CDH18: variants seen among roughly 807,000 people sequenced by gnomAD.
The protein encoded by CDH18 is cadherin-18.
CDH18 carries 31 observed loss-of-function variants against 67.9 expected under a neutral mutation model. That is an observed-to-expected ratio of 0.46 (90% CI 0.34 to 0.62). The LOEUF is 0.62. CDH18 is among the 20% of genes least tolerant of loss of function. The probability of loss-of-function intolerance (pLI) is 0.01; values close to 1 mark genes in which losing one functional copy is unlikely to be tolerated. For synonymous variants in CDH18, 362 were observed against 347.2 expected, an observed-to-expected ratio of 1.04 and a Z score of -0.48; for missense variants, 890 against 975.5, an observed-to-expected ratio of 0.91 and a Z score of 1.17.
In CDH18 at chr5:19,935,827, TCA is replaced by T. The variant is rs1554067052; in HGVS notation, c.-257+45231_-257+45232del. 8.6e-4 allele frequency among the ~76,000 whole-genome samples: 128 copies of T among 149,526 alleles called. 2 individuals carry two copies. The highest frequency in any genetic ancestry group is 2.8e-3 in the African/African-American group (116 of 40,854). On this transcript the variant is annotated intron_variant, in intron 2 of 12. Transcript: ENST00000382275. ...CTCTCTCTCTCTCTCTCTCTCTCTC[TCA>T]CTCTCTCTCTGTCCCAATGTCTTCT... is the stretch of plus-strand genomic sequence containing the variant.
intron 2 of CDH18, among the ~76,000 whole-genome samples, chr5:20,212,738 T>G (rs1740450911): frequency 1.3e-5 from 2 of 152,102 alleles, no homozygotes. Flanking sequence ...TAAAATACTC[T>G]TTGCTAAAAT....
chr5:20,149,393 T>C (rs922307333), intron 2 of CDH18, among the ~76,000 whole-genome samples: 2 of 152,192 alleles, frequency 1.3e-5, no homozygotes, highest in East Asian at 3.9e-4. Flanking sequence ...CTTTCATTAA[T>C]CAGCTTGACA....
chr5:19,738,544 A>G (rs1457282465), intron 4 of CDH18, among the ~76,000 whole-genome samples: 2 of 152,176 alleles, frequency 1.3e-5, no homozygotes, highest in Non-Finnish European at 2.9e-5. Flanking sequence ...TTTGGCTATC[A>G]TATTTTTTAA....
intron 5 of CDH18, among the ~76,000 whole-genome samples, chr5:19,621,663 G>C (rs1750732193): frequency 6.6e-6 from 1 of 152,138 alleles, no homozygotes; most frequent in Non-Finnish European, 1.5e-5. Context: ...TGGTTTTCCA[G>C]GGGCTGAGTG....
At chr5:19,864,814 C>G (rs573196286) in intron 2 of CDH18, among the ~76,000 whole-genome samples, 28 of 152,244 alleles carry the variant, frequency 1.8e-4, no homozygotes, top group African/African-American at 6.3e-4. Context: ...TTCTAGCTAA[C>G]GAATTTTTTG....
rs74863900 is a variant in CDH18 at position 20,441,957 on chromosome 5, A to G, written c.-580+133505T>C. Among the ~76,000 whole-genome samples the G allele has an allele frequency of 9.0e-3, 1,372 of 152,064 alleles. 50 individuals are homozygous for G. Among genetic ancestry groups the G allele is most frequent in the African/African-American group, 0.032 (1,315 of 41,330 alleles). On this transcript the variant is annotated intron_variant, in intron 1 of 14. Coordinates refer to the CDH18 transcript ENST00000507958. ...ATAAGGTTCCTACATCGAGAGAAAC[A>G]GAAATGGTCAGGCAAAATTTTAGTG...
At chr5:19,549,562 T>C (rs1249141378) in intron 8 of CDH18, among the ~76,000 whole-genome samples, 1 of 146,632 alleles carries the variant, frequency 6.8e-6, no homozygotes, top group African/African-American at 2.5e-5. Flanking sequence ...AAGATATATA[T>C]TAAAAAAGAG....
chr5:19,779,625 C>G (rs895118176), intron 3 of CDH18, among the ~76,000 whole-genome samples: 2 of 152,108 alleles, frequency 1.3e-5, no homozygotes, highest in Non-Finnish European at 2.9e-5. Flanking sequence ...GAATTCGCCA[C>G]AGTTTTTTTC....
intron 1 of CDH18, among the ~76,000 whole-genome samples, chr5:20,471,742 C>T (rs1017352705): frequency 4.2e-5 from 6 of 141,628 alleles, no homozygotes; most frequent in African/African-American, 1.3e-4. Context: ...GCGGAGGTTG[C>T]AGTGAGCCAA....
At chr5:20,104,836 G>A (rs148572913) in intron 2 of CDH18, among the ~76,000 whole-genome samples, 204 of 151,954 alleles carry the variant, frequency 1.3e-3, no homozygotes, top group African/African-American at 4.4e-3. Context: ...ACCAATATCC[G>A]CATCCACACT....
chr5:20,339,631 G>A (rs1038102521), intron 1 of CDH18, among the ~76,000 whole-genome samples: 6 of 151,950 alleles, frequency 3.9e-5, no homozygotes, highest in Admixed American at 2.6e-4. Context: ...CCCCATTCTA[G>A]GAACCCTCTT....
chr5:20,248,767 T>A (rs1743580296), intron 2 of CDH18, among the ~76,000 whole-genome samples: 1 of 152,224 alleles, frequency 6.6e-6, no homozygotes, highest in South Asian at 2.1e-4. Context: ...GAACTTAATA[T>A]GATTATTTTT....
At chr5:20,452,646 T>A (rs896551911) in intron 1 of CDH18, among the ~76,000 whole-genome samples, 5 of 151,930 alleles carry the variant, frequency 3.3e-5, no homozygotes, top group African/African-American at 1.2e-4. Flanking sequence ...CAGAAAAAAA[T>A]AACTATTGTG....
intron 7 of CDH18, 32 bp from the exon 8 acceptor site, chr5:19,571,864 T>TATAAAAAAAGTCATATTATGACTTTC (rs757972021): frequency 2.1e-5 from 32 of 1,556,432 alleles, no homozygotes; most frequent in East Asian, 2.3e-5. Flanking sequence ...TTATGACTTT[T>TATAAAAAAAGTCATATTATGACTTTC]ATAAAAAAAG....
chr5:20,180,888 G>A (rs938268879), intron 2 of CDH18, among the ~76,000 whole-genome samples: 2 of 151,702 alleles, frequency 1.3e-5, no homozygotes, highest in Non-Finnish European at 3.0e-5. Context: ...GGATATAGAC[G>A]GATCATTGAT....
intron 2 of CDH18, among the ~76,000 whole-genome samples, chr5:20,142,581 GAA>G (rs1441172760): frequency 1.6e-5 from 2 of 128,646 alleles, no homozygotes; most frequent in Non-Finnish European, 3.3e-5. Context: ...CTCTGCCTCA[GAA>G]AAAAAAAAAA....
At chr5:20,484,928 A>G (rs1021479264) in intron 1 of CDH18, among the ~76,000 whole-genome samples, 3 of 152,126 alleles carry the variant, frequency 2.0e-5, no homozygotes, top group African/African-American at 7.2e-5. Context: ...TGAAACAACT[A>G]AAAGAGTATA....
chr5:20,219,570 A>G (rs1213175156), intron 2 of CDH18, among the ~76,000 whole-genome samples: 1 of 151,756 alleles, frequency 6.6e-6, no homozygotes, highest in African/African-American at 2.4e-5. Context: ...ATAAACATTG[A>G]CACAAAATAC....
At position 20,472,962 on chromosome 5, in the gene CDH18, A is replaced by T. The variant is rs529662774; in HGVS notation, c.-580+102500T>A. The stretch of plus-strand genomic sequence containing the variant: ...AGTAATGGCATTGGTTGAATAGTTG[A>T]TATATTTTAAGCATCATAAGCAGTA... On this transcript the variant is annotated intron_variant, in intron 1 of 14. Coordinates refer to the CDH18 transcript ENST00000507958. 9.2e-5 allele frequency among the ~76,000 whole-genome samples: 14 copies of T among 152,316 alleles called. No individual in the cohort carries two copies. The East Asian group carries it at 1.2e-3, about 13-fold the overall frequency.
Sources: gnomAD v4.1 joint callset for allele counts (sites outside exome capture counted in the v4.1 genomes callset) on GRCh38, gnomAD v4.1.1 for gene constraint, MANE v1.5 for transcripts, NCBI Gene and HGNC (gene_info 2026-07-23, HGNC 2026-07-21) for gene names.